GTF2E2: variants seen among roughly 807,000 people sequenced by gnomAD.
The protein encoded by GTF2E2 is transcription initiation factor IIE subunit beta.
A neutral mutation model predicts 40.5 loss-of-function variants in GTF2E2; 21 were observed. That is an observed-to-expected ratio of 0.52 (90% CI 0.37 to 0.75). The LOEUF (loss-of-function observed/expected upper bound fraction) is 0.75. Among genes scored for constraint, GTF2E2 ranks in the 30% least tolerant of loss-of-function variants. The pLI is 0.00. For missense variants in GTF2E2, 298 were observed against 338.4 expected (o/e 0.88, Z 0.94); for synonymous variants, 117 against 121.6 (o/e 0.96, Z 0.25).
At chr8:30,606,321 G>C (rs892500804) in intron 6 of GTF2E2, among the ~76,000 whole-genome samples, 2 of 152,108 alleles carry the variant, frequency 1.3e-5, no homozygotes, top group African/African-American at 4.8e-5. Context: ...GATATCTATA[G>C]ACAGATAACA....
At chr8:30,596,727 G>C (rs556753729) in intron 6 of GTF2E2, among the ~76,000 whole-genome samples, 5 of 152,266 alleles carry the variant, frequency 3.3e-5, no homozygotes, top group African/African-American at 1.2e-4. Context: ...TCCTTTGTAA[G>C]ACAGCTAAGA....
At chr8:30,615,136 G>A (rs7015571) in intron 3 of GTF2E2, among the ~76,000 whole-genome samples, 54,070 of 151,658 alleles carry the variant, frequency 0.36, 10,049 homozygotes, top group African/African-American at 0.47. Flanking sequence ...AAAATCAGCC[G>A]TGCATGGTGG....
Position 30,578,921 on chromosome 8 carries a change from C to G in GTF2E2, c.876G>C (p.Ter292TyrextTer24). The G allele has an allele frequency of 6.9e-7, 1 of 1,450,504 alleles. No individual in the cohort carries two copies. Among genetic ancestry groups the G allele is most frequent in the Non-Finnish European group, 9.7e-7 (1 of 1,030,500 alleles). The allele number at this position is 1,450,504 out of a possible 1,614,324, so 89.9% of individuals were successfully genotyped here. A position where few individuals can be genotyped will look rare whatever the true frequency, so the allele number is the denominator to read the frequency against. ...KDYSDITSSK[*>Y] ...CTCTGTTCCAGGGCAAAACTGTTCC[C>G]TATTTGCTGGAAGTAATGTCAGAGT... The change falls in exon 8 of 8, where the codon TAG becomes TAC. Residue 292 changes from the stop codon to tyrosine (Y), a stop_lost. Coordinates refer to ENST00000355904, the MANE Select transcript of GTF2E2 (RefSeq NM_002095.6).
intron 1 of GTF2E2, among the ~76,000 whole-genome samples, chr8:30,655,459 G>A (rs1453906694): frequency 2.0e-5 from 3 of 152,126 alleles, no homozygotes; most frequent in African/African-American, 7.2e-5. Context: ...AGTGTCAGCT[G>A]GGAGGAAAAA....
At chr8:30,593,528 C>T (rs1402507261) in intron 6 of GTF2E2, among the ~76,000 whole-genome samples, 48 of 152,198 alleles carry the variant, frequency 3.2e-4, no homozygotes, top group Admixed American at 3.1e-3. Context: ...GCTGTGGCTC[C>T]GTCACCCAAA....
intron 6 of GTF2E2, 149 bp from the exon 7 acceptor site, chr8:30,580,545 C>T (rs148446669): frequency 2.9e-4 from 181 of 616,324 alleles, no homozygotes; most frequent in Middle Eastern, 1.7e-3. Flanking sequence ...AGAACATCCA[C>T]ATGTGGGACA....
chr8:30,618,961 T>A (rs1380965890), intron 3 of GTF2E2, among the ~76,000 whole-genome samples: 1 of 152,212 alleles, frequency 6.6e-6, no homozygotes, highest in African/African-American at 2.4e-5. Flanking sequence ...TTATCTTCTT[T>A]GAGATGTAGT....
At chr8:30,624,406 T>A (rs1314309094) in intron 3 of GTF2E2, among the ~76,000 whole-genome samples, 4 of 152,132 alleles carry the variant, frequency 2.6e-5, no homozygotes, top group Non-Finnish European at 4.4e-5. Context: ...GCTGTTTTGG[T>A]TACTGTAGCC....
intron 6 of GTF2E2, among the ~76,000 whole-genome samples, chr8:30,582,684 T>C (rs1828547362): frequency 1.3e-5 from 2 of 152,188 alleles, no homozygotes; most frequent in African/African-American, 4.8e-5. Context: ...GTTTGTCTAG[T>C]ATTTCCTCAT....
At chr8:30,606,259 C>T (rs1240987940) in intron 6 of GTF2E2, among the ~76,000 whole-genome samples, 1 of 152,112 alleles carries the variant, frequency 6.6e-6, no homozygotes, top group Non-Finnish European at 1.5e-5. Context: ...ATACAATTTC[C>T]TAAAACAAGT....
chr8:30,603,332 G>A (rs971003982), intron 6 of GTF2E2, among the ~76,000 whole-genome samples: 2 of 152,024 alleles, frequency 1.3e-5, no homozygotes, highest in African/African-American at 2.4e-5. Flanking sequence ...AATAAAGACG[G>A]TAAATGTAAA....
At chr8:30,657,668 C>G (rs1233826025) in intron 1 of GTF2E2, 2 of 152,356 alleles carry the variant, frequency 1.3e-5, no homozygotes, top group East Asian at 3.9e-4. Flanking sequence ...GCTGCTCAAA[C>G]TCCACACACG....
intron 3 of GTF2E2, among the ~76,000 whole-genome samples, chr8:30,629,442 T>C (rs1455579663): frequency 1.3e-5 from 2 of 152,032 alleles, no homozygotes; most frequent in Non-Finnish European, 2.9e-5. Flanking sequence ...ATCCCAGCAC[T>C]TTGGGAGGCT....
intron 6 of GTF2E2, among the ~76,000 whole-genome samples, chr8:30,594,958 T>C (rs1251454180): frequency 2.6e-5 from 4 of 152,216 alleles, no homozygotes; most frequent in African/African-American, 9.6e-5. Flanking sequence ...ATTAATGTAG[T>C]TGGAATAAAG....
intron 6 of GTF2E2, among the ~76,000 whole-genome samples, chr8:30,600,439 T>G (rs1177212418): frequency 6.6e-6 from 1 of 152,204 alleles, no homozygotes; most frequent in Non-Finnish European, 1.5e-5. Flanking sequence ...TTTATTTATA[T>G]TCACTCATTT....
At chr8:30,611,394 A>C in intron 5 of GTF2E2, among the ~76,000 whole-genome samples, 1 of 152,324 alleles carries the variant, frequency 6.6e-6, no homozygotes, top group South Asian at 2.1e-4. Flanking sequence ...TGTTAGAATA[A>C]GAAGAATTTT....
At chr8:30,613,482 C>T (rs1800800575) in intron 4 of GTF2E2, among the ~76,000 whole-genome samples, 1 of 151,978 alleles carries the variant, frequency 6.6e-6, no homozygotes, top group South Asian at 2.1e-4. Flanking sequence ...CCAGCCTGAC[C>T]CTGAAAGGAG....
intron 2 of GTF2E2, among the ~76,000 whole-genome samples, chr8:30,641,938 G>A (rs1054807336): frequency 2.6e-5 from 4 of 152,180 alleles, no homozygotes; most frequent in African/African-American, 9.7e-5. Context: ...AAGTGTGGGG[G>A]TGAAGGCATA....
intron 6 of GTF2E2, among the ~76,000 whole-genome samples, chr8:30,586,147 C>T (rs1310438170): frequency 6.6e-6 from 1 of 152,214 alleles, no homozygotes; most frequent in Admixed American, 6.5e-5. Context: ...CTCCCTTTTC[C>T]TTTAACAACA....
Sources: allele counts gnomAD v4.1 joint callset (sites outside exome capture counted in the v4.1 genomes callset), GRCh38; gene constraint gnomAD v4.1.1; transcripts MANE v1.5; gene names NCBI Gene and HGNC (gene_info 2026-07-23, HGNC 2026-07-21).